The following CCDC110 variants were observed in gnomAD, a reference collection of about 807,000 sequenced individuals.
CCDC110 encodes the protein coiled-coil domain-containing protein 110.
CCDC110 carries 70 observed loss-of-function variants against 77.1 expected under a neutral mutation model. The ratio of observed to expected loss-of-function variants is 0.91; its 90% confidence interval spans 0.75 to 1.11. The LOEUF (loss-of-function observed/expected upper bound fraction) is 1.11. CCDC110 is among the 50% of genes least tolerant of loss of function. CCDC110 has a pLI of 0.00. For synonymous variants in CCDC110, 295 were observed against 312.5 expected, an observed-to-expected ratio of 0.94 and a Z score of 0.59; for missense variants, 868 against 942.9, an observed-to-expected ratio of 0.92 and a Z score of 1.04.
In CCDC110 at chr4:185,460,127, G is replaced by GAA. The variant is rs2095643445; in HGVS notation, c.459_460insTT (p.Leu154PhefsTer6). The GAA allele has an allele frequency of 2.5e-6, 4 of 1,613,482 alleles. No homozygotes were observed. Among genetic ancestry groups the GAA allele is most frequent in the Non-Finnish European group, 3.4e-6 (4 of 1,179,852 alleles). ...GATGGAACATTTACACTTTGAGGGA[G>GAA]ACTGTTCACACTATCACCACTTAAT... On this transcript the variant is annotated frameshift_variant, in exon 6 of 7. Coordinates refer to ENST00000307588, the MANE Select transcript of CCDC110 (RefSeq NM_152775.4). LOFTEE classifies it high-confidence loss of function.
Position 185,458,763 on chromosome 4 carries a change from T to A in CCDC110, c.1824A>T (p.Glu608Asp). The A allele has an allele frequency of 6.2e-7, 1 of 1,610,504 alleles. No homozygotes were observed. The highest frequency in any genetic ancestry group is 1.7e-4 in the Middle Eastern group (1 of 5,998). ...EKSSLGNELK[E>D]SQLEIIQLKE... The stretch of plus-strand genomic sequence containing the variant: ...TTAGCTGGATTATCTCTAGCTGGCT[T>A]TCTTTTAGTTCATTTCCAAGTGAGC... The change falls in exon 6 of 7, where the codon GAA becomes GAT. Residue 608 changes from glutamate (E) to aspartate (D), a missense_variant. Glu to Asp is a conservative substitution (Grantham distance 45). Transcript: ENST00000307588.
In CCDC110 at chr4:185,458,929, G is replaced by T; in HGVS notation, c.1658C>A (p.Thr553Asn). 1 of 1,608,376 alleles carries T rather than the reference G, an allele frequency of 6.2e-7. No individual in the cohort carries two copies. Among genetic ancestry groups the T allele is most frequent in the Non-Finnish European group, 8.5e-7 (1 of 1,178,624 alleles). ...ATTTACAATGGCCATATCACTTTGAGTTTTGTGTTCCTTACTTTTTAGTTG... is the reference window on the plus strand; with the variant it reads ...ATTTACAATGGCCATATCACTTTGATTTTTGTGTTCCTTACTTTTTAGTTG... Reference protein sequence around the residue: ...LDQLKSKEHKTQSDMAIVNNE... With the variant: ...LDQLKSKEHKNQSDMAIVNNE... Residue 553 changes from threonine (T) to asparagine (N), a missense_variant, in exon 6 of 7, where the codon ACT (threonine) becomes AAT (asparagine). Transcript: ENST00000307588.
At chr4:185,457,069 C>A in intron 6 of CCDC110, 1 of 334,826 alleles carries the variant, frequency 3.0e-6, no homozygotes, top group Non-Finnish European at 5.9e-6. Context: ...ACAACATCAC[C>A]CAGTGGAGTT....
intron 6 of CCDC110, among the ~76,000 whole-genome samples, chr4:185,447,981 T>C (rs1452669620): frequency 3.9e-5 from 6 of 152,196 alleles, no homozygotes; most frequent in Admixed American, 3.3e-4. Flanking sequence ...GCTGATACTA[T>C]ATATAGGTTT....
At chr4:185,453,914 C>T (rs374255274) in intron 6 of CCDC110, among the ~76,000 whole-genome samples, 2 of 151,226 alleles carry the variant, frequency 1.3e-5, no homozygotes, top group Non-Finnish European at 2.9e-5. Flanking sequence ...CCTGGGTTCA[C>T]GCGATTATCC....
At chr4:185,465,502 C>T (rs1208956614) in intron 2 of CCDC110, among the ~76,000 whole-genome samples, 1 of 152,100 alleles carries the variant, frequency 6.6e-6, no homozygotes, top group Non-Finnish European at 1.5e-5. Flanking sequence ...CTTAGTGGAC[C>T]CATGGGAGCA....
Position 185,452,952 on chromosome 4 carries a change from A to C in CCDC110, c.2461+5174T>G, listed in dbSNP as rs149738284. 2.2e-3 allele frequency among the ~76,000 whole-genome samples: 327 copies of C among 151,938 alleles called. 1 individual carries two copies. Among genetic ancestry groups the C allele is most frequent in the African/African-American group, 7.6e-3 (315 of 41,460 alleles). On this transcript the variant is annotated intron_variant, in intron 6 of 6. Transcript: ENST00000307588. ...TTACTATTATAGCTGTCTATACTAG[A>C]GCAAAATTAATTTCTTAAGACTCTT...
At position 185,445,367 on chromosome 4, in the gene CCDC110, G is replaced by A. The variant is rs137891618; in HGVS notation, c.*135C>T. On this transcript the variant is annotated 3_prime_UTR_variant, in exon 7 of 7. Transcript: ENST00000307588. Reference sequence around the variant, plus strand: ...AGTTATCTGCACCAAACCATTCTGTGCATAATTTTTAAAGCAAATATATAG... The same window carrying A: ...AGTTATCTGCACCAAACCATTCTGTACATAATTTTTAAAGCAAATATATAG... The A allele has an allele frequency of 2.6e-6, 2 of 777,726 alleles. No homozygotes were observed. Among genetic ancestry groups the A allele is most frequent in the East Asian group, 5.0e-5 (2 of 40,052 alleles). The allele number at this position is 777,726 out of a possible 1,614,324, so 48.2% of individuals were successfully genotyped here.
At chr4:185,460,854 GA>G in intron 5 of CCDC110, 194 bp downstream of exon 5, 1 of 518,426 alleles carries the variant, frequency 1.9e-6, no homozygotes. Context: ...AGACTCTTAA[GA>G]GAAATGGGAA....
At position 185,462,722 on chromosome 4, in the gene CCDC110, A is replaced by G. The variant is rs780400332; in HGVS notation, c.172-14T>C. 5.0e-6 allele frequency: 8 copies of G among 1,607,968 alleles called. No individual in the cohort carries two copies. The highest frequency in any genetic ancestry group is 6.0e-6 in the Non-Finnish European group (7 of 1,174,494). Reference sequence around the variant, plus strand: ...CTGCTGAAGGACCTATGACAAAAGTAAAGTATGAAATTGAGTATTTTTAGG... The same window carrying G: ...CTGCTGAAGGACCTATGACAAAAGTGAAGTATGAAATTGAGTATTTTTAGG... On this transcript the variant is annotated splice_polypyrimidine_tract_variant and intron_variant, in intron 3 of 6. Coordinates refer to ENST00000307588, the MANE Select transcript of CCDC110 (RefSeq NM_152775.4).
chr4:185,448,411 T>G (rs1022528274), intron 6 of CCDC110, among the ~76,000 whole-genome samples: 1 of 152,114 alleles, frequency 6.6e-6, no homozygotes, highest in African/African-American at 2.4e-5. Context: ...ATGGTGACCG[T>G]TTTTTGCATA....
In CCDC110 at chr4:185,458,362, T is replaced by C. The variant is rs2095639395; in HGVS notation, c.2225A>G (p.Asp742Gly). Residue 742 changes from aspartate to glycine, a missense_variant, in exon 6 of 7, where the codon GAC (aspartate) becomes GGC (glycine). Transcript: ENST00000307588. Reference protein sequence around the residue: ...FENSISRLTEDKILLENYVRS... With the variant: ...FENSISRLTEGKILLENYVRS... ...TACGTAATTTTCTAAAAGTATTTTGTCTTCAGTAAGTCTACTGATGCTGTT... is the reference window on the plus strand; with the variant it reads ...TACGTAATTTTCTAAAAGTATTTTGCCTTCAGTAAGTCTACTGATGCTGTT... 6.3e-7 allele frequency: 1 copy of C among 1,588,540 alleles called. No individual in the cohort carries two copies. The highest frequency in any genetic ancestry group is 1.4e-5 in the African/African-American group (1 of 73,498).
chr4:185,461,964 G>C (rs2095647198), intron 4 of CCDC110, among the ~76,000 whole-genome samples: 3 of 152,170 alleles, frequency 2.0e-5, no homozygotes, highest in Non-Finnish European at 4.4e-5. Flanking sequence ...CAGGCATGGT[G>C]GTGGGCACCT....
At chr4:185,463,912 C>T (rs918407492) in intron 2 of CCDC110, among the ~76,000 whole-genome samples, 4 of 152,008 alleles carry the variant, frequency 2.6e-5, no homozygotes, top group Admixed American at 2.0e-4. Flanking sequence ...TTGGCGACTC[C>T]GATACTAAGA....
intron 6 of CCDC110, among the ~76,000 whole-genome samples, chr4:185,451,070 G>A (rs1026313748): frequency 2.0e-5 from 3 of 152,096 alleles, no homozygotes; most frequent in Admixed American, 6.5e-5. Flanking sequence ...TAGTGAATAA[G>A]TCTCCCGAGA....
chr4:185,448,290 G>T (rs994791045), intron 6 of CCDC110, among the ~76,000 whole-genome samples: 3 of 151,410 alleles, frequency 2.0e-5, no homozygotes, highest in Admixed American at 6.6e-5. Flanking sequence ...CAAAGTGCTG[G>T]GATTAAGTGC....
At chr4:185,456,569 A>G (rs1561156165) in intron 6 of CCDC110, among the ~76,000 whole-genome samples, 1 of 152,230 alleles carries the variant, frequency 6.6e-6, no homozygotes, top group Non-Finnish European at 1.5e-5. Flanking sequence ...AAGAGGGGAC[A>G]TCGCTACAAG....
intron 6 of CCDC110, among the ~76,000 whole-genome samples, chr4:185,452,837 G>A (rs946451314): frequency 7.0e-6 from 1 of 143,540 alleles, no homozygotes; most frequent in South Asian, 2.3e-4. Flanking sequence ...GGAGGTTGCA[G>A]TGAGCCAAGA....
intron 6 of CCDC110, among the ~76,000 whole-genome samples, chr4:185,454,302 G>A: frequency 6.6e-6 from 1 of 152,180 alleles, no homozygotes; most frequent in South Asian, 2.1e-4. Context: ...AAGGGGGCAG[G>A]CTATAAGCCT....
Sources: gnomAD v4.1 joint callset for allele counts (sites outside exome capture counted in the v4.1 genomes callset) on GRCh38, gnomAD v4.1.1 for gene constraint, MANE v1.5 for transcripts, NCBI Gene and HGNC (gene_info 2026-07-23, HGNC 2026-07-21) for gene names.